Variants in IL1RAPL1 observed in about 807,000 individuals in gnomAD.
IL1RAPL1 encodes the protein interleukin 1 receptor accessory protein like 1.
Under a neutral mutation model 48.4 loss-of-function variants are expected in IL1RAPL1, and 3 were observed. That is an observed-to-expected ratio of 0.06 (90% CI 0.03 to 0.16). The LOEUF (loss-of-function observed/expected upper bound fraction) is 0.16. Among genes scored for constraint, IL1RAPL1 ranks in the 10% least tolerant of loss-of-function variants. The pLI is 1.00. For missense variants in IL1RAPL1, 349 were observed against 530.6 expected (o/e 0.66, Z 3.36); for synonymous variants, 185 against 187.7 (o/e 0.99, Z 0.12).
chrX:28,890,858 A>G (rs367791908), intron 2 of IL1RAPL1, among the ~76,000 whole-genome samples: 3 of 112,152 alleles, frequency 2.7e-5, no homozygotes, highest in Non-Finnish European at 3.8e-5. Flanking sequence ...ATGAATGACA[A>G]TATTTCACTT....
intron 5 of IL1RAPL1, among the ~76,000 whole-genome samples, chrX:29,558,753 G>A (rs1922088492): frequency 3.6e-5 from 4 of 111,597 alleles, no homozygotes; most frequent in Middle Eastern, 9.1e-3. Context: ...TTTGAGTGTG[G>A]ATATACAATT....
intron 5 of IL1RAPL1, among the ~76,000 whole-genome samples, chrX:29,552,366 A>C (rs1361436924): frequency 9.0e-6 from 1 of 111,050 alleles, no homozygotes; most frequent in Non-Finnish European, 1.9e-5. Context: ...TACAGTTTTA[A>C]CTTATTTTTC....
intron 1 of IL1RAPL1, among the ~76,000 whole-genome samples, chrX:28,736,553 A>G (rs1398143913): frequency 1.8e-5 from 2 of 112,108 alleles, no homozygotes; most frequent in Non-Finnish European, 3.8e-5. Flanking sequence ...GCATAAATAC[A>G]TGCACATTAA....
chrX:29,466,901 A>G (rs1239038167), intron 5 of IL1RAPL1, among the ~76,000 whole-genome samples: 2 of 111,360 alleles, frequency 1.8e-5, no homozygotes, highest in Non-Finnish European at 3.8e-5. Context: ...GTATTTCTTA[A>G]CGTGTGGTCC....
At chrX:29,052,440 A>G (rs1927114262) in intron 2 of IL1RAPL1, among the ~76,000 whole-genome samples, 1 of 111,377 alleles carries the variant, frequency 9.0e-6, no homozygotes, top group Non-Finnish European at 1.9e-5. Flanking sequence ...TGTGTTAGCA[A>G]TTTTGAGGTA....
At position 29,333,491 on chromosome X, in the gene IL1RAPL1, C is replaced by T. The variant is rs1272945969; in HGVS notation, c.362+50274C>T. On this transcript the variant is annotated intron_variant, in intron 3 of 10. Transcript: ENST00000378993. ...CCCAGTAGGGGCGGCCGGGCAGAGG[C>T]GCCCCTCACCTCCCGGACGGGGCGG... is the stretch of plus-strand genomic sequence containing the variant. Among the ~76,000 whole-genome samples, 15 of 74,830 alleles carry T rather than the reference C, an allele frequency of 2.0e-4. No individual in the cohort carries two copies. The East Asian group carries it at 5.8e-3, about 29-fold the overall frequency. 65.0% of individuals were successfully genotyped at this position (74,830 alleles called of 115,157 possible). A position where few individuals can be genotyped will look rare whatever the true frequency, so the allele number is the denominator to read the frequency against.
At chrX:28,982,860 G>A (rs1925376912) in intron 2 of IL1RAPL1, 1 of 110,526 alleles carries the variant, frequency 9.0e-6, no homozygotes, top group Admixed American at 9.7e-5. Flanking sequence ...AAAGCCTACA[G>A]CACCCGGTAT....
rs752309571 is a variant in IL1RAPL1, at chrX:28,657,919, G to C, written c.-25+69872G>C. ...TTATAATGTCTGGCACTCTGGGGAA[G>C]AGAACCCACAGTGTAAAGTTTAAGG... On this transcript the variant is annotated intron_variant, in intron 1 of 10. Transcript: ENST00000378993. Among the ~76,000 whole-genome samples the C allele has an allele frequency of 7.1e-5, 8 of 112,175 alleles. No homozygotes were observed. The East Asian group carries it at 2.0e-3, about 28-fold the overall frequency.
chrX:29,945,840 G>A lies in IL1RAPL1; in HGVS notation c.1201+4046G>A, dbSNP rs186518842. Among the ~76,000 whole-genome samples the A allele has an allele frequency of 5.3e-4, 59 of 111,644 alleles. No homozygotes were observed. The Admixed American group carries it at 5.5e-3, about 10-fold the overall frequency. ...AGGATTCTAATATTTTTTAAAGATA[G>A]AACATATTGATGCTTTTCTCTCTCA... is the stretch of plus-strand genomic sequence containing the variant. On this transcript the variant is annotated intron_variant, in intron 9 of 10. Coordinates refer to ENST00000378993, the MANE Select transcript of IL1RAPL1 (RefSeq NM_014271.4).
intron 5 of IL1RAPL1, among the ~76,000 whole-genome samples, chrX:29,562,116 A>G (rs1297094153): frequency 0.021 from 399 of 18,780 alleles, 2 homozygotes; most frequent in African/African-American, 0.073. Flanking sequence ...TATCTATCTA[A>G]TCTATCTATC....
chrX:28,856,248 G>T (rs1456073644), intron 2 of IL1RAPL1, among the ~76,000 whole-genome samples: 6 of 111,542 alleles, frequency 5.4e-5, no homozygotes, highest in Non-Finnish European at 1.1e-4. Context: ...ATGTGACTGA[G>T]AGTTCTCCCG....
chrX:29,198,847 T>C (rs775547311), intron 2 of IL1RAPL1, among the ~76,000 whole-genome samples: 1 of 111,876 alleles, frequency 8.9e-6, no homozygotes, highest in East Asian at 2.8e-4. Flanking sequence ...TTTCAGGCAG[T>C]TTTTATGCAA....
At chrX:29,492,417 A>G (rs1935168764) in intron 5 of IL1RAPL1, among the ~76,000 whole-genome samples, 1 of 112,144 alleles carries the variant, frequency 8.9e-6, no homozygotes, top group Non-Finnish European at 1.9e-5. Flanking sequence ...TCACTTGGCT[A>G]AAATCAAGGT....
intron 3 of IL1RAPL1, among the ~76,000 whole-genome samples, chrX:29,319,160 G>GTCTGCCTGTCTGTCTATCTATCTATCTA (rs370282992): frequency 0.02 from 1,664 of 84,896 alleles, 30 homozygotes; most frequent in East Asian, 0.042. Flanking sequence ...CTATCTGTCT[G>GTCTGCCTGTCTGTCTATCTATCTATCTA]TCTATCTATC....
chrX:29,004,633 A>C, intron 2 of IL1RAPL1, among the ~76,000 whole-genome samples: 1 of 112,264 alleles, frequency 8.9e-6, no homozygotes. Flanking sequence ...ATTTTAGTTC[A>C]CATATTTGGG....
intron 3 of IL1RAPL1, among the ~76,000 whole-genome samples, chrX:29,387,653 G>A (rs1422020044): frequency 8.9e-6 from 1 of 111,775 alleles, no homozygotes; most frequent in South Asian, 3.7e-4. Context: ...ATTTTTTGCC[G>A]GGCATGGAAG....
At chrX:29,259,211 T>C (rs2147581659) in intron 2 of IL1RAPL1, among the ~76,000 whole-genome samples, 1 of 111,929 alleles carries the variant, frequency 8.9e-6, no homozygotes, top group East Asian at 2.8e-4. Flanking sequence ...GAAGTTTCAT[T>C]TTCCAAAAGA....
At chrX:29,875,081 A>T (rs916495958) in intron 6 of IL1RAPL1, among the ~76,000 whole-genome samples, 7 of 111,570 alleles carry the variant, frequency 6.3e-5, no homozygotes, top group African/African-American at 2.3e-4. Context: ...TAACATTCCC[A>T]ATTCTTTAAA....
intron 2 of IL1RAPL1, among the ~76,000 whole-genome samples, chrX:29,095,271 T>C (rs1466336611): frequency 1.8e-5 from 2 of 111,286 alleles, no homozygotes; most frequent in East Asian, 5.6e-4. Context: ...ACCTGAACAG[T>C]TATAGTGATG....
Sources: gnomAD v4.1 joint callset for allele counts (sites outside exome capture counted in the v4.1 genomes callset) on GRCh38, gnomAD v4.1.1 for gene constraint, MANE v1.5 for transcripts, NCBI Gene and HGNC (gene_info 2026-07-23, HGNC 2026-07-21) for gene names.